Variants in CDKAL1 observed in about 807,000 individuals in gnomAD.
CDKAL1 encodes the protein CDKAL1 threonylcarbamoyladenosine tRNA methylthiotransferase.
A neutral mutation model predicts 68.2 loss-of-function variants in CDKAL1; 32 were observed. That is an observed-to-expected ratio of 0.47 (90% CI 0.35 to 0.63). The LOEUF (loss-of-function observed/expected upper bound fraction) is 0.63. Ranked by LOEUF, CDKAL1 falls within the 30% of genes least tolerant of loss-of-function variation. The probability of loss-of-function intolerance (pLI) is 0.00; values close to 1 mark genes in which losing one functional copy is unlikely to be tolerated. For missense variants in CDKAL1, 606 were observed against 696.7 expected, an observed-to-expected ratio of 0.87 and a Z score of 1.47; for synonymous variants, 234 against 244.3, an observed-to-expected ratio of 0.96 and a Z score of 0.39.
At chr6:21,215,143 AG>A (rs1779297181) in intron 15 of CDKAL1, among the ~76,000 whole-genome samples, 1 of 152,092 alleles carries the variant, frequency 6.6e-6, no homozygotes, top group Non-Finnish European at 1.5e-5. Context: ...AAATGTATGG[AG>A]GTTCAGCAGG....
chr6:20,600,580 C>A (rs1766038267), intron 4 of CDKAL1, among the ~76,000 whole-genome samples: 1 of 151,740 alleles, frequency 6.6e-6, no homozygotes, highest in Admixed American at 6.6e-5. Context: ...AACATGAGTT[C>A]TTGAATAGTT....
intron 12 of CDKAL1, among the ~76,000 whole-genome samples, chr6:21,068,187 C>T (rs1313157542): frequency 6.6e-6 from 1 of 151,788 alleles, no homozygotes; most frequent in African/African-American, 2.4e-5. Flanking sequence ...TTCATGGTGC[C>T]TTTTGAAGAA....
chr6:20,871,074 A>G (rs1021469572), intron 9 of CDKAL1, among the ~76,000 whole-genome samples: 1 of 152,218 alleles, frequency 6.6e-6, no homozygotes, highest in African/African-American at 2.4e-5. Context: ...TACTTATTGC[A>G]CACAAGTAAT....
intron 11 of CDKAL1, among the ~76,000 whole-genome samples, chr6:21,030,325 G>A (rs946039255): frequency 2.6e-5 from 4 of 152,084 alleles, no homozygotes; most frequent in African/African-American, 9.7e-5. Context: ...CAGGGCCACT[G>A]GTAGTGGAGG....
At chr6:20,538,429 T>C (rs1019767510) in intron 2 of CDKAL1, among the ~76,000 whole-genome samples, 1 of 152,216 alleles carries the variant, frequency 6.6e-6, no homozygotes, top group Non-Finnish European at 1.5e-5. Flanking sequence ...TTTCTAGCTC[T>C]ATCAATGTAC....
chr6:21,026,258 T>C (rs1768955272), intron 11 of CDKAL1, among the ~76,000 whole-genome samples: 1 of 152,166 alleles, frequency 6.6e-6, no homozygotes, highest in Admixed American at 6.6e-5. Context: ...TTCTGTTCTG[T>C]ATGTTCACTG....
intron 13 of CDKAL1, among the ~76,000 whole-genome samples, chr6:21,154,274 C>G (rs79770035): frequency 0.011 from 1,602 of 152,264 alleles, 22 homozygotes; most frequent in African/African-American, 0.029. Flanking sequence ...ATGCTTTAAA[C>G]TTAACTGCAA....
intron 7 of CDKAL1, among the ~76,000 whole-genome samples, chr6:20,768,218 A>C (rs901202721): frequency 1.3e-5 from 2 of 152,164 alleles, no homozygotes; most frequent in Admixed American, 1.3e-4. Context: ...GCTTGTTTGT[A>C]CTACTAACAA....
At chr6:20,856,363 G>C (rs1021006086) in intron 9 of CDKAL1, among the ~76,000 whole-genome samples, 1 of 152,152 alleles carries the variant, frequency 6.6e-6, no homozygotes, top group Non-Finnish European at 1.5e-5. Flanking sequence ...AAGTAGTATG[G>C]AAAAACCATA....
At chr6:20,808,427 T>C (rs1029339837) in intron 8 of CDKAL1, among the ~76,000 whole-genome samples, 5 of 152,148 alleles carry the variant, frequency 3.3e-5, no homozygotes, top group African/African-American at 1.2e-4. Flanking sequence ...TCTGTTTCTT[T>C]AAAGAAAAAA....
chr6:21,013,652 G>T (rs1276040621), intron 11 of CDKAL1, among the ~76,000 whole-genome samples: 1 of 152,122 alleles, frequency 6.6e-6, no homozygotes, highest in Non-Finnish European at 1.5e-5. Flanking sequence ...GTTAACATTT[G>T]TACTGTCTTC....
intron 5 of CDKAL1, among the ~76,000 whole-genome samples, chr6:20,728,759 A>G (rs1370617480): frequency 1.3e-5 from 2 of 152,202 alleles, no homozygotes; most frequent in Non-Finnish European, 2.9e-5. Flanking sequence ...TGAGGCAGTC[A>G]CCTTACCAAG....
intron 7 of CDKAL1, among the ~76,000 whole-genome samples, chr6:20,777,967 A>G (rs1775247575): frequency 1.3e-5 from 2 of 152,242 alleles, no homozygotes; most frequent in African/African-American, 2.4e-5. Flanking sequence ...GGGTAACTGA[A>G]TCTGTGGAAA....
chr6:20,646,783 G>T lies in CDKAL1; in HGVS notation c.287-2510G>T, dbSNP rs1768486123. On this transcript the variant is annotated intron_variant, in intron 4 of 15. Coordinates refer to ENST00000274695, the MANE Select transcript of CDKAL1 (RefSeq NM_017774.3). The stretch of plus-strand genomic sequence containing the variant: ...TTTGAGACAGAGTTTTGCTCTTGTT[G>T]CCCAGGCTGGAGTATGGTGGCACGA... 3.3e-5 allele frequency among the ~76,000 whole-genome samples: 5 copies of T among 152,048 alleles called. No individual in the cohort carries two copies. The South Asian group carries it at 8.3e-4, about 25-fold the overall frequency.
At chr6:21,136,653 C>T (rs72838010) in intron 13 of CDKAL1, among the ~76,000 whole-genome samples, 38,823 of 151,982 alleles carry the variant, frequency 0.26, 5,051 homozygotes, top group South Asian at 0.36. Context: ...CTCCTAAGAA[C>T]TAAAAATGTG....
chr6:20,720,794 G>A (rs1772313334), intron 5 of CDKAL1, among the ~76,000 whole-genome samples: 1 of 152,110 alleles, frequency 6.6e-6, no homozygotes, highest in Non-Finnish European at 1.5e-5. Context: ...CCCTCGCACT[G>A]GCCTCTATTC....
intron 4 of CDKAL1, among the ~76,000 whole-genome samples, chr6:20,635,488 A>AT (rs56099357): frequency 1.2e-4 from 18 of 151,214 alleles, no homozygotes; most frequent in Admixed American, 3.3e-4. Flanking sequence ...TTGATTTTGG[A>AT]TTTTTTTTTT....
intron 13 of CDKAL1, among the ~76,000 whole-genome samples, chr6:21,176,689 TTTTTTTG>T (rs1777588418): frequency 7.4e-6 from 1 of 135,438 alleles, no homozygotes; most frequent in Non-Finnish European, 1.6e-5. Context: ...TTGGTTTTTT[TTTTTTTG>T]TTTTTTTTTT....
intron 4 of CDKAL1, among the ~76,000 whole-genome samples, chr6:20,550,096 A>C (rs565324779): frequency 6.6e-6 from 1 of 152,032 alleles, no homozygotes; most frequent in South Asian, 2.1e-4. Context: ...CTCCTGCCTC[A>C]GCCTCCCAAG....
Sources: gnomAD v4.1 joint callset for allele counts (sites outside exome capture counted in the v4.1 genomes callset) on GRCh38, gnomAD v4.1.1 for gene constraint, MANE v1.5 for transcripts, NCBI Gene and HGNC (gene_info 2026-07-23, HGNC 2026-07-21) for gene names.